ARHGEF26: variants seen among roughly 807,000 people sequenced by gnomAD.
ARHGEF26 encodes Rho guanine nucleotide exchange factor 26, also known as Rho guanine nucleotide exchange factor (GEF) 26.
A neutral mutation model predicts 89.4 loss-of-function variants in ARHGEF26; 59 were observed. The ratio of observed to expected loss-of-function variants is 0.66; its 90% CI spans 0.54 to 0.82. The LOEUF is 0.82. ARHGEF26 is among the 40% of genes least tolerant of loss of function. ARHGEF26 has a pLI of 0.00. For synonymous variants in ARHGEF26, 500 were observed against 428.4 expected (o/e 1.17, Z -2.06); for missense variants, 1,234 against 1,085.6 (o/e 1.14, Z -1.92).
intron 11 of ARHGEF26, among the ~76,000 whole-genome samples, chr3:154,239,819 A>C (rs1264916813): frequency 2.0e-5 from 3 of 152,180 alleles, no homozygotes; most frequent in African/African-American, 7.2e-5. Flanking sequence ...AATGGAGGGC[A>C]TAATGAGATT....
intron 12 of ARHGEF26, among the ~76,000 whole-genome samples, chr3:154,249,785 T>C (rs1324008356): frequency 6.6e-6 from 1 of 152,196 alleles, no homozygotes; most frequent in East Asian, 1.9e-4. Context: ...TCTTGTCACT[T>C]TGTGCAAAGG....
chr3:154,233,552 T>TG (rs1197116578), intron 11 of ARHGEF26, among the ~76,000 whole-genome samples: 4 of 152,264 alleles, frequency 2.6e-5, no homozygotes, highest in South Asian at 4.1e-4. Context: ...TCAGTGCTAC[T>TG]GGGGGGGAAT....
At chr3:154,218,393 A>T (rs537063598) in intron 10 of ARHGEF26, among the ~76,000 whole-genome samples, 2 of 152,112 alleles carry the variant, frequency 1.3e-5, no homozygotes, top group African/African-American at 4.8e-5. Flanking sequence ...TTAATGGATA[A>T]TTTTTTTCAA....
At chr3:154,183,915 C>G (rs1372924451) in intron 6 of ARHGEF26, among the ~76,000 whole-genome samples, 1 of 151,520 alleles carries the variant, frequency 6.6e-6, no homozygotes, top group African/African-American at 2.4e-5. Context: ...CTACTTGCCT[C>G]AAGATATTTA....
chr3:154,137,436 T>C (rs1719077260), intron 4 of ARHGEF26, among the ~76,000 whole-genome samples: 1 of 152,134 alleles, frequency 6.6e-6, no homozygotes, highest in Admixed American at 6.5e-5. Flanking sequence ...ATAAATTTCT[T>C]TGCTTTATAA....
intron 6 of ARHGEF26, among the ~76,000 whole-genome samples, chr3:154,159,068 C>G (rs1314437715): frequency 6.6e-6 from 1 of 152,006 alleles, no homozygotes; most frequent in African/African-American, 2.4e-5. Context: ...TAAATAAGGT[C>G]TTTTGTGTTA....
intron 12 of ARHGEF26, among the ~76,000 whole-genome samples, chr3:154,247,691 C>T (rs1291214124): frequency 1.3e-5 from 2 of 152,126 alleles, no homozygotes; most frequent in African/African-American, 4.8e-5. Flanking sequence ...CTATTTACTG[C>T]CCTTTTTGTT....
rs763445578 is a variant in ARHGEF26, at chr3:154,253,072, T to C, written c.2301-44T>C. The C allele has an allele frequency of 7.5e-6, 12 of 1,610,100 alleles. No homozygotes were observed. In the African/African-American group the frequency reaches 1.5e-4, roughly 20 times the overall value. On this transcript the variant is annotated intron_variant, in intron 12 of 14. Coordinates refer to ENST00000465093, the MANE Select transcript of ARHGEF26 (RefSeq NM_015595.4). Reference sequence around the variant, plus strand: ...GCCTAGAAAACACTCCATTCTGTGTTTTTACACCTTGAGTCTCTCAGTTGG... The same window carrying C: ...GCCTAGAAAACACTCCATTCTGTGTCTTTACACCTTGAGTCTCTCAGTTGG...
chr3:154,158,830 A>T (rs1437729127), intron 6 of ARHGEF26, among the ~76,000 whole-genome samples: 2 of 152,158 alleles, frequency 1.3e-5, no homozygotes, highest in African/African-American at 2.4e-5. Flanking sequence ...AAATCTACAA[A>T]AATCTATGGT....
At chr3:154,221,468 C>T (rs1716124461) in intron 10 of ARHGEF26, among the ~76,000 whole-genome samples, 1 of 152,152 alleles carries the variant, frequency 6.6e-6, no homozygotes, top group Non-Finnish European at 1.5e-5. Flanking sequence ...AGCAATTTTA[C>T]TTCTAAGAAT....
Position 154,230,233 on chromosome 3 carries a change from T to A in ARHGEF26, c.2090+4223T>A, listed in dbSNP as rs1229563992. Among the ~76,000 whole-genome samples, 4 of 152,026 alleles carry A rather than the reference T, an allele frequency of 2.6e-5. No homozygotes were observed. The East Asian group carries it at 7.7e-4, about 29-fold the overall frequency. ...AAGTGCCACAAACAAAGTGAGTGGC[T>A]TAAAACAGTCAGAATTTATTGTCTC... On this transcript the variant is annotated intron_variant, in intron 11 of 14. Coordinates refer to ENST00000465093, the MANE Select transcript of ARHGEF26 (RefSeq NM_015595.4).
intron 13 of ARHGEF26, 124 bp from the exon 14 acceptor site, chr3:154,254,596 G>A: frequency 2.9e-6 from 2 of 700,838 alleles, no homozygotes; most frequent in Admixed American, 5.1e-5. Context: ...TTTATTAGAA[G>A]CCCAACTTGT....
rs1318930740 is a variant in ARHGEF26 at position 154,217,925 on chromosome 3, C to T, written c.1902C>T (p.Tyr634=). ...AGATGGAAAGGACTGAGATGATGTACACAATTAACTCCCAGCTGGAATTTA... is the reference window on the plus strand; with the variant it reads ...AGATGGAAAGGACTGAGATGATGTATACAATTAACTCCCAGCTGGAATTTA... ...ARKMERTEMM[Y]TINSQLEFKI... Residue 634 remains tyrosine, a synonymous_variant, in exon 10 of 15, where the codon TAC becomes TAT. Transcript: ENST00000465093. The T allele has an allele frequency of 6.2e-7, 1 of 1,600,044 alleles. No homozygotes were observed. Among genetic ancestry groups the T allele is most frequent in the Non-Finnish European group, 8.5e-7 (1 of 1,172,900 alleles).
chr3:154,149,692 G>T (rs1576705291), intron 5 of ARHGEF26, among the ~76,000 whole-genome samples: 1 of 152,034 alleles, frequency 6.6e-6, no homozygotes, highest in East Asian at 1.9e-4. Flanking sequence ...CCTAGTTCAG[G>T]TATTTAAACT....
chr3:154,149,386 T>C lies in ARHGEF26; in HGVS notation c.1270-3T>C. On this transcript the variant is annotated splice_region_variant and splice_polypyrimidine_tract_variant and intron_variant, in intron 4 of 14. Transcript: ENST00000465093. Reference sequence around the variant, plus strand: ...GTCAACTCTACTTTGCTTTTTCTCCTAGGTGAAAAGAAAGGGATTATCTCA... The same window carrying C: ...GTCAACTCTACTTTGCTTTTTCTCCCAGGTGAAAAGAAAGGGATTATCTCA... 1 of 1,602,570 alleles carries C rather than the reference T, an allele frequency of 6.2e-7. No homozygotes were observed. Among genetic ancestry groups the C allele is most frequent in the Non-Finnish European group, 8.5e-7 (1 of 1,173,990 alleles).
intron 12 of ARHGEF26, among the ~76,000 whole-genome samples, chr3:154,245,420 A>G (rs538783695): frequency 1.4e-3 from 208 of 152,248 alleles, no homozygotes; most frequent in Non-Finnish European, 2.4e-3. Flanking sequence ...TTATGATAAA[A>G]TGCTAAATAG....
At chr3:154,204,668 A>G (rs1714902226) in intron 9 of ARHGEF26, among the ~76,000 whole-genome samples, 1 of 152,124 alleles carries the variant, frequency 6.6e-6, no homozygotes, top group African/African-American at 2.4e-5. Context: ...CAGCTATAAA[A>G]TTCCCTCTTT....
chr3:154,126,444 C>G (rs1314953770), intron 3 of ARHGEF26, among the ~76,000 whole-genome samples: 1 of 152,154 alleles, frequency 6.6e-6, no homozygotes, highest in African/African-American at 2.4e-5. Flanking sequence ...CGGTCTTTCA[C>G]CAGTCTGTTC....
rs1718200938 is a variant in ARHGEF26 at position 154,124,445 on chromosome 3, G to A, written c.1119G>A (p.Gly373=). The change falls in exon 3 of 15, where the codon GGG becomes GGA. Residue 373 remains glycine, a synonymous_variant. Transcript: ENST00000465093. The stretch of plus-strand genomic sequence containing the variant: ...TGAAAGGACAAGGAACATTTGATGG[G>A]GAAGGTAAGCATTTAATTTTCCAAA... ...KMLKGQGTFD[G]EENAVLYQNY... is the part of the protein sequence containing the mutation. 1 of 1,535,406 alleles carries A rather than the reference G, an allele frequency of 6.5e-7. No individual in the cohort carries two copies. Among genetic ancestry groups the A allele is most frequent in the Non-Finnish European group, 8.7e-7 (1 of 1,149,108 alleles).
Sources: allele counts gnomAD v4.1 joint callset (sites outside exome capture counted in the v4.1 genomes callset), GRCh38; gene constraint gnomAD v4.1.1; transcripts MANE v1.5; gene names NCBI Gene and HGNC (gene_info 2026-07-23, HGNC 2026-07-21).